The following GAPVD1 variants were observed in gnomAD, a reference collection of about 807,000 sequenced individuals.
GAPVD1 encodes GTPase activating protein and VPS9 domains 1.
In GAPVD1, 35 loss-of-function variants were observed where a neutral mutation model predicts 155.5. The ratio of observed to expected loss-of-function variants is 0.23; its 90% CI spans 0.17 to 0.30. GAPVD1 has a LOEUF of 0.30. Among genes scored for constraint, GAPVD1 ranks in the 10% least tolerant of loss-of-function variants. The probability of loss-of-function intolerance (pLI) is 1.00; values close to 1 mark genes in which losing one functional copy is unlikely to be tolerated. For synonymous variants in GAPVD1, 636 were observed against 619.7 expected (o/e 1.03, Z -0.39); for missense variants, 1,429 against 1,775.7 (o/e 0.80, Z 3.51).
intron 9 of GAPVD1, 26 bp from the exon 10 acceptor site, chr9:125,321,407 A>G: frequency 1.3e-6 from 2 of 1,591,624 alleles, no homozygotes; most frequent in Non-Finnish European, 1.7e-6. Flanking sequence ...CCATTGATAA[A>G]CCAAAATTGA....
intron 2 of GAPVD1, among the ~76,000 whole-genome samples, chr9:125,269,907 C>T (rs10115452): frequency 0.49 from 73,691 of 150,502 alleles, 18,192 homozygotes; most frequent in Middle Eastern, 0.59. Flanking sequence ...TTAGTAGAGA[C>T]GGGGTTTTAC....
rs183764398 is a variant in GAPVD1 at position 125,282,538 on chromosome 9, A to G, written c.-149-12920A>G. The stretch of plus-strand genomic sequence containing the variant: ...TTTTACCTCTTTAGTTACGACTTTG[A>G]TATTTCCCACTTACTTTGATGAAAA... On this transcript the variant is annotated intron_variant, in intron 2 of 27. Coordinates refer to ENST00000297933, the MANE Select transcript of GAPVD1 (RefSeq NM_001282680.3). Among the ~76,000 whole-genome samples, 10 of 152,278 alleles carry G rather than the reference A, an allele frequency of 6.6e-5. No homozygotes were observed. The East Asian group carries it at 7.7e-4, about 12-fold the overall frequency.
intron 19 of GAPVD1, among the ~76,000 whole-genome samples, chr9:125,343,590 G>T (rs1252111014): frequency 1.3e-5 from 2 of 152,124 alleles, no homozygotes; most frequent in Non-Finnish European, 2.9e-5. Flanking sequence ...AGAATAAAGG[G>T]TTTTGAACAG....
rs1841113718 is a variant in GAPVD1 at position 125,302,844 on chromosome 9, T to C, written c.1029+18T>C. ...TGATGCAGGTATGCTTTTGCTATTA[T>C]TATTAACGTGGCATTTAGTTTAAAA... is the stretch of plus-strand genomic sequence containing the variant. On this transcript the variant is annotated intron_variant, in intron 5 of 27. Coordinates refer to ENST00000297933, the MANE Select transcript of GAPVD1 (RefSeq NM_001282680.3). 9.6e-6 allele frequency: 15 copies of C among 1,561,542 alleles called. No homozygotes were observed. In the East Asian group the frequency reaches 1.8e-4, roughly 19 times the overall value.
chr9:125,328,155 C>T (rs780278589), intron 12 of GAPVD1, among the ~76,000 whole-genome samples: 4 of 134,182 alleles, frequency 3.0e-5, no homozygotes, highest in Non-Finnish European at 4.9e-5. Context: ...TTAATACTTT[C>T]GATTTGTATT....
At chr9:125,267,209 G>T (rs1344386783) in intron 1 of GAPVD1, among the ~76,000 whole-genome samples, 1 of 152,172 alleles carries the variant, frequency 6.6e-6, no homozygotes, top group Non-Finnish European at 1.5e-5. Flanking sequence ...ACACATAGAA[G>T]ATGCACATTT....
At chr9:125,350,609 A>G (rs994492779) in intron 22 of GAPVD1, 104 bp from the exon 23 acceptor site, 4 of 738,302 alleles carry the variant, frequency 5.4e-6, no homozygotes, top group Non-Finnish European at 9.1e-6. Context: ...GCTTAGTTCT[A>G]ATGATACGTG....
chr9:125,329,929 GC>G, intron 12 of GAPVD1, 148 bp from the exon 13 acceptor site: 1 of 550,774 alleles, frequency 1.8e-6, no homozygotes, highest in Admixed American at 3.0e-5. Flanking sequence ...TGATCTGCCT[GC>G]CTCAGCCTCC....
chr9:125,303,110 C>T (rs1357390085), intron 5 of GAPVD1, among the ~76,000 whole-genome samples: 14 of 151,974 alleles, frequency 9.2e-5, no homozygotes, highest in East Asian at 2.0e-4. Flanking sequence ...CTGCAACCTC[C>T]GCCTCCCGGG....
intron 2 of GAPVD1, among the ~76,000 whole-genome samples, chr9:125,292,250 C>T (rs1001560183): frequency 1.2e-4 from 19 of 152,024 alleles, no homozygotes; most frequent in Non-Finnish European, 2.9e-5. Flanking sequence ...CAAAACAAAA[C>T]CATAAGACAA....
intron 8 of GAPVD1, among the ~76,000 whole-genome samples, chr9:125,310,668 T>A (rs1842539670): frequency 6.6e-6 from 1 of 150,472 alleles, no homozygotes; most frequent in Admixed American, 6.7e-5. Flanking sequence ...GCCTCCCAAG[T>A]AGATGGGATC....
At position 125,331,978 on chromosome 9, in the gene GAPVD1, T is replaced by C. The variant is rs1846155249; in HGVS notation, c.2226T>C (p.Ser742=). Residue 742 remains serine, a synonymous_variant, in exon 14 of 28, where the codon TCT becomes TCC. Transcript: ENST00000297933. ...GTCTGCAAGAACTGGAGAGCTGTTC[T>C]GGACTGGGTAGCACATCTGATGATA... ...EERLQELESC[S]GLGSTSDDTD... is the part of the protein sequence containing the mutation. 6.2e-7 allele frequency: 1 copy of C among 1,614,038 alleles called. No homozygotes were observed.
intron 8 of GAPVD1, chr9:125,309,982 T>C (rs1262662625): frequency 2.1e-6 from 1 of 467,912 alleles, no homozygotes; most frequent in Non-Finnish European, 4.4e-6. Context: ...CAATATTACC[T>C]CTCATATTAC....
At chr9:125,262,382 GAC>G (rs1230519487) in intron 1 of GAPVD1, among the ~76,000 whole-genome samples, 2 of 152,172 alleles carry the variant, frequency 1.3e-5, no homozygotes, top group Non-Finnish European at 2.9e-5. Flanking sequence ...TGACAAGCTG[GAC>G]ACACGGGTCT....
chr9:125,346,527 A>C, intron 19 of GAPVD1: 1 of 441,972 alleles, frequency 2.3e-6, no homozygotes, highest in South Asian at 2.4e-5. Context: ...ATTTGAGTGC[A>C]AACACTTTAG....
chr9:125,266,521 T>C (rs199740720), intron 1 of GAPVD1, among the ~76,000 whole-genome samples: 4 of 151,882 alleles, frequency 2.6e-5, no homozygotes, highest in African/African-American at 4.8e-5. Flanking sequence ...CACCATGTTA[T>C]CCAGGATGGT....
intron 3 of GAPVD1, among the ~76,000 whole-genome samples, chr9:125,296,636 G>A (rs1354585677): frequency 2.0e-5 from 3 of 146,800 alleles, no homozygotes; most frequent in Admixed American, 6.8e-5. Context: ...TTACAGGTGT[G>A]AGCCACTGTG....
At chr9:125,299,974 G>T (rs1394677257) in intron 4 of GAPVD1, among the ~76,000 whole-genome samples, 9 of 128,246 alleles carry the variant, frequency 7.0e-5, no homozygotes, top group Non-Finnish European at 3.2e-5. Context: ...AGCCAAAATC[G>T]CACCACTGCA....
intron 8 of GAPVD1, among the ~76,000 whole-genome samples, chr9:125,311,724 CTTT>C (rs71374251): frequency 2.1e-5 from 3 of 144,794 alleles, no homozygotes. Flanking sequence ...TTTATTGTTT[CTTT>C]TTTTTTTTTT....
Sources: gnomAD v4.1 joint callset for allele counts (sites outside exome capture counted in the v4.1 genomes callset) on GRCh38, gnomAD v4.1.1 for gene constraint, MANE v1.5 for transcripts, NCBI Gene and HGNC (gene_info 2026-07-23, HGNC 2026-07-21) for gene names.